GPR107: variants seen among roughly 807,000 people sequenced by gnomAD.
GPR107 encodes G protein-coupled receptor 107.
A neutral mutation model predicts 75.5 loss-of-function variants in GPR107; 31 were observed. That is an observed-to-expected ratio of 0.41 (90% CI 0.31 to 0.55). GPR107 has a LOEUF of 0.55. Among genes scored for constraint, GPR107 ranks in the 20% least tolerant of loss-of-function variants. GPR107 has a pLI of 0.26. For synonymous variants in GPR107, 267 were observed against 251.3 expected, an observed-to-expected ratio of 1.06 and a Z score of -0.59; for missense variants, 572 against 665.7, an observed-to-expected ratio of 0.86 and a Z score of 1.55.
intron 15 of GPR107, among the ~76,000 whole-genome samples, 164 bp from the exon 16 acceptor site, chr9:130,127,319 C>T (rs943005576): frequency 1.3e-5 from 2 of 152,124 alleles, no homozygotes; most frequent in Non-Finnish European, 2.9e-5. Flanking sequence ...GCAGAGTAGC[C>T]ATGTCTCTCC....
chr9:130,092,209 G>A (rs766480728), intron 8 of GPR107, 39 bp from the exon 9 acceptor site: 4 of 1,577,594 alleles, frequency 2.5e-6, no homozygotes, highest in Non-Finnish European at 3.5e-6. Context: ...GGGATGATAT[G>A]TTTCTGAAAA....
intron 14 of GPR107, among the ~76,000 whole-genome samples, chr9:130,119,085 C>T (rs530217828): frequency 1.1e-4 from 17 of 152,318 alleles, no homozygotes; most frequent in African/African-American, 3.6e-4. Context: ...AGCAGGCTGT[C>T]GGTGTTCCTA....
intron 15 of GPR107, among the ~76,000 whole-genome samples, chr9:130,125,597 C>CTTTTTTTTTTTTTTTTTTTTTT (rs71387321): frequency 9.7e-6 from 1 of 103,136 alleles, no homozygotes; most frequent in Non-Finnish European, 1.9e-5. Flanking sequence ...ATCTGAGTTC[C>CTTTTTTTTTTTTTTTTTTTTTT]TTTTTTTTTT....
At chr9:130,057,802 A>G (rs925537921) in intron 1 of GPR107, among the ~76,000 whole-genome samples, 1 of 149,240 alleles carries the variant, frequency 6.7e-6, no homozygotes, top group South Asian at 2.1e-4. Context: ...ACTTTTCCCT[A>G]TATTCCTTGC....
chr9:130,127,467 T>G lies in GPR107; in HGVS notation c.1357-16T>G. On this transcript the variant is annotated splice_polypyrimidine_tract_variant and intron_variant, in intron 15 of 17. Transcript: ENST00000347136. ...TAATGTTGATCTGATTTCCTGTTTC[T>G]TTCCTCCTCATGCAGATTGTGTGTT... 7.1e-7 allele frequency: 1 copy of G among 1,405,260 alleles called. No homozygotes were observed. Among genetic ancestry groups the G allele is most frequent in the Non-Finnish European group, 1.0e-6 (1 of 992,222 alleles). The allele number at this position is 1,405,260 out of a possible 1,614,324, so 87.0% of individuals were successfully genotyped here. A position where few individuals can be genotyped will look rare whatever the true frequency, so the allele number is the denominator to read the frequency against.
chr9:130,072,657 C>G (rs1830238564), intron 1 of GPR107, among the ~76,000 whole-genome samples: 1 of 151,568 alleles, frequency 6.6e-6, no homozygotes. Context: ...TTTTTCATGG[C>G]ATTGTATCAT....
intron 15 of GPR107, among the ~76,000 whole-genome samples, chr9:130,126,803 C>A (rs532697867): frequency 6.6e-6 from 1 of 151,736 alleles, no homozygotes; most frequent in Non-Finnish European, 1.5e-5. Context: ...TTTATTTTTT[C>A]TTTCCCATGG....
intron 12 of GPR107, among the ~76,000 whole-genome samples, chr9:130,101,474 A>G (rs1831030744): frequency 6.6e-6 from 1 of 152,274 alleles, no homozygotes; most frequent in Admixed American, 6.5e-5. Context: ...TGACAGTGAC[A>G]GGGAGACACA....
intron 17 of GPR107, 90 bp downstream of exon 17, chr9:130,128,851 A>T (rs746033392): frequency 1.6e-5 from 19 of 1,216,244 alleles, no homozygotes; most frequent in Non-Finnish European, 2.1e-5. Context: ...TGCTCTCAGC[A>T]TTTCGTGGCT....
chr9:130,056,450 A>T (rs1386697037), intron 1 of GPR107, among the ~76,000 whole-genome samples: 1 of 150,782 alleles, frequency 6.6e-6, no homozygotes, highest in Middle Eastern at 3.2e-3. Context: ...ACTCCGTCTC[A>T]AAATAAATAA....
chr9:130,132,025 A>G (rs2132659983), intron 17 of GPR107, among the ~76,000 whole-genome samples: 1 of 152,250 alleles, frequency 6.6e-6, no homozygotes, highest in African/African-American at 2.4e-5. Flanking sequence ...GGGACCACAG[A>G]TGAATGCCAC....
intron 6 of GPR107, among the ~76,000 whole-genome samples, chr9:130,085,908 G>A (rs901751936): frequency 3.3e-5 from 5 of 151,756 alleles, no homozygotes; most frequent in African/African-American, 7.3e-5. Flanking sequence ...GCACCACCAC[G>A]CCTGGCTGAT....
At chr9:130,083,652 CGT>C (rs1564667214) in intron 6 of GPR107, 50 bp downstream of exon 6, 19 of 1,126,908 alleles carry the variant, frequency 1.7e-5, no homozygotes, top group South Asian at 3.7e-5. Flanking sequence ...TATGTGTGTA[CGT>C]GTGTGTGTTA....
Position 130,077,338 on chromosome 9 carries a change from G to A in GPR107, c.346G>A (p.Val116Ile). Reference sequence around the variant, plus strand: ...TTACTGTATTTTAAAGAAACAGTCTGTCTCTGTCACCCTTTTAATCCTAGA... The same window carrying A: ...TTACTGTATTTTAAAGAAACAGTCTATCTCTGTCACCCTTTTAATCCTAGA... ...VNYCILKKQS[V>I]SVTLLILDIS... Residue 116 changes from valine (V) to isoleucine (I), a missense_variant, in exon 4 of 18, where the codon GTC becomes ATC. Val to Ile is a conservative substitution (Grantham distance 29, BLOSUM62 3). Coordinates refer to ENST00000347136, the MANE Select transcript of GPR107 (RefSeq NM_020960.5). The A allele has an allele frequency of 6.3e-7, 1 of 1,576,470 alleles. No homozygotes were observed. Among genetic ancestry groups the A allele is most frequent in the South Asian group, 1.1e-5 (1 of 90,362 alleles).
intron 1 of GPR107, among the ~76,000 whole-genome samples, chr9:130,063,409 C>T (rs1829980557): frequency 6.6e-6 from 1 of 152,236 alleles, no homozygotes; most frequent in Non-Finnish European, 1.5e-5. Flanking sequence ...CCAGGATGGT[C>T]TCAATCTCCT....
At chr9:130,060,965 G>A (rs1829913668) in intron 1 of GPR107, among the ~76,000 whole-genome samples, 1 of 152,170 alleles carries the variant, frequency 6.6e-6, no homozygotes, top group African/African-American at 2.4e-5. Context: ...ATAAGTTAAA[G>A]CAGAACATCA....
rs182848572 is a variant in GPR107, at chr9:130,132,775, G to C, written c.1563-2250G>C. Among the ~76,000 whole-genome samples the C allele has an allele frequency of 1.1e-3, 168 of 150,528 alleles. 3 individuals carry two copies. The East Asian group carries it at 0.029, about 26-fold the overall frequency. ...CACTCCAGCCTGGGTGACAGAGCGA[G>C]ACTTCATCTCAAAAAATCAAATAAA... is the stretch of plus-strand genomic sequence containing the variant. On this transcript the variant is annotated intron_variant, in intron 17 of 17. Coordinates refer to ENST00000347136, the MANE Select transcript of GPR107 (RefSeq NM_020960.5).
At chr9:130,080,574 C>T (rs1830470066) in intron 5 of GPR107, among the ~76,000 whole-genome samples, 1 of 151,978 alleles carries the variant, frequency 6.6e-6, no homozygotes, top group Non-Finnish European at 1.5e-5. Flanking sequence ...TCACTGCAAG[C>T]TCCGCCTCCC....
Position 130,086,536 on chromosome 9 carries a change from T to A in GPR107, c.621+60T>A. The A allele has an allele frequency of 3.2e-6, 3 of 931,208 alleles. No homozygotes were observed. In the South Asian group the frequency reaches 4.2e-5, roughly 13 times the overall value. The allele number at this position is 931,208 out of a possible 1,614,324, so 57.7% of individuals were successfully genotyped here. On this transcript the variant is annotated intron_variant, in intron 7 of 17. Coordinates refer to ENST00000347136, the MANE Select transcript of GPR107 (RefSeq NM_020960.5). The stretch of plus-strand genomic sequence containing the variant: ...TTCTCTCTACCATGTAAAAGGGTAA[T>A]TTTTTTTTAGAGGAATTTTGAATTT...
Sources: allele counts gnomAD v4.1 joint callset (sites outside exome capture counted in the v4.1 genomes callset), GRCh38; gene constraint gnomAD v4.1.1; transcripts MANE v1.5; gene names NCBI Gene and HGNC (gene_info 2026-07-23, HGNC 2026-07-21).